Variants in TDRD7 observed in about 807,000 individuals in gnomAD.
TDRD7 encodes the protein tudor domain-containing protein 7.
TDRD7 carries 47 observed loss-of-function variants against 109.8 expected under a neutral mutation model. The ratio of observed to expected loss-of-function variants is 0.43; its 90% CI spans 0.34 to 0.55. The LOEUF is 0.55. Among genes scored for constraint, TDRD7 ranks in the 20% least tolerant of loss-of-function variants. The probability of loss-of-function intolerance (pLI) is 0.03; values close to 1 mark genes in which losing one functional copy is unlikely to be tolerated. For missense variants in TDRD7, 1,164 were observed against 1,319.2 expected, an observed-to-expected ratio of 0.88 and a Z score of 1.82; for synonymous variants, 424 against 457.3, an observed-to-expected ratio of 0.93 and a Z score of 0.93.
chr9:97,428,895 C>T (rs1373675431), intron 2 of TDRD7, among the ~76,000 whole-genome samples: 1 of 152,162 alleles, frequency 6.6e-6, no homozygotes. Flanking sequence ...ATTTTAACCA[C>T]ACAAAATTAA....
At chr9:97,473,394 A>G in intron 10 of TDRD7, 98 bp from the exon 11 acceptor site, 2 of 1,531,058 alleles carry the variant, frequency 1.3e-6, no homozygotes, top group Non-Finnish European at 9.0e-7. Context: ...TTTAAAATGC[A>G]AAGACTTGTT....
At chr9:97,465,072 C>T in intron 8 of TDRD7, 44 bp downstream of exon 8, 1 of 1,572,060 alleles carries the variant, frequency 6.4e-7, no homozygotes, top group South Asian at 1.2e-5. Flanking sequence ...ATACAAATAC[C>T]TTATTATTTT....
At position 97,470,725 on chromosome 9, in the gene TDRD7, C is replaced by T. The variant is rs141168955; in HGVS notation, c.1741+56C>T. On this transcript the variant is annotated intron_variant, in intron 9 of 16. Transcript: ENST00000355295. ...ATTTCAATAGGCTATTACCACTGTA[C>T]ATTTGGATAGTTGAATCCTAAAATG... The T allele has an allele frequency of 6.1e-5, 81 of 1,330,506 alleles. No homozygotes were observed. The African/African-American group carries it at 9.2e-4, about 15-fold the overall frequency. 82.4% of individuals were successfully genotyped at this position (1,330,506 alleles called of 1,614,324 possible).
intron 6 of TDRD7, among the ~76,000 whole-genome samples, chr9:97,442,244 A>G (rs865791351): frequency 1.3e-5 from 2 of 152,232 alleles, no homozygotes; most frequent in South Asian, 4.1e-4. Flanking sequence ...ATTAGCCTCA[A>G]ATTTTATTTG....
intron 6 of TDRD7, among the ~76,000 whole-genome samples, chr9:97,457,683 C>T (rs374989283): frequency 8.5e-5 from 13 of 152,188 alleles, no homozygotes; most frequent in East Asian, 7.7e-4. Context: ...CGGCCACACA[C>T]GTATGTTTAT....
chr9:97,439,541 C>A (rs932139200), intron 5 of TDRD7, among the ~76,000 whole-genome samples: 1 of 152,158 alleles, frequency 6.6e-6, no homozygotes, highest in Admixed American at 6.6e-5. Context: ...CTTCCTCACC[C>A]CAGCCCTACT....
chr9:97,474,410 A>C (rs949211990), intron 11 of TDRD7, among the ~76,000 whole-genome samples: 2 of 152,072 alleles, frequency 1.3e-5, no homozygotes, highest in African/African-American at 4.8e-5. Flanking sequence ...TCAGGTTTAT[A>C]TTTTAGCTAT....
At chr9:97,458,549 A>G (rs1312892746) in intron 6 of TDRD7, among the ~76,000 whole-genome samples, 1 of 152,174 alleles carries the variant, frequency 6.6e-6, no homozygotes, top group East Asian at 1.9e-4. Context: ...CGCCAATCAT[A>G]TAACATGCCA....
At chr9:97,420,966 C>A (rs907554985) in intron 1 of TDRD7, among the ~76,000 whole-genome samples, 1 of 152,072 alleles carries the variant, frequency 6.6e-6, no homozygotes, top group Non-Finnish European at 1.5e-5. Flanking sequence ...AACCCCATAT[C>A]TACCAAAAAT....
intron 6 of TDRD7, among the ~76,000 whole-genome samples, chr9:97,453,520 CAGAG>C (rs1347172577): frequency 3.3e-5 from 5 of 152,162 alleles, no homozygotes; most frequent in Middle Eastern, 3.4e-3. Flanking sequence ...GCATGACTCA[CAGAG>C]AGAATGAAGA....
intron 6 of TDRD7, among the ~76,000 whole-genome samples, chr9:97,448,409 CTT>C (rs978424624): frequency 2.6e-5 from 4 of 152,216 alleles, no homozygotes; most frequent in African/African-American, 9.6e-5. Flanking sequence ...TTCCCTATCT[CTT>C]TCTCAGTTGT....
chr9:97,440,831 T>C (rs759098824), intron 5 of TDRD7, among the ~76,000 whole-genome samples: 1 of 152,192 alleles, frequency 6.6e-6, no homozygotes, highest in Non-Finnish European at 1.5e-5. Context: ...TGAAATTTCG[T>C]AGAGATTTGG....
rs575061496 is a variant in TDRD7, at chr9:97,471,777, A to G, written c.1742-516A>G. ...CAAAATTCATCTAATACCTGTGTTA[A>G]ACACTACTTAATCTGTCTTTGATAA... On this transcript the variant is annotated intron_variant, in intron 9 of 16. Transcript: ENST00000355295. Among the ~76,000 whole-genome samples, 15 of 152,298 alleles carry G rather than the reference A, an allele frequency of 9.8e-5. 1 individual carries two copies. Among genetic ancestry groups the G allele is most frequent in the African/African-American group, 3.6e-4 (15 of 41,578 alleles).
intron 16 of TDRD7, among the ~76,000 whole-genome samples, chr9:97,494,957 C>T (rs1057352349): frequency 5.9e-5 from 9 of 152,088 alleles, no homozygotes; most frequent in South Asian, 4.1e-4. Flanking sequence ...GATACCTGCC[C>T]GCCTTGGCCT....
intron 1 of TDRD7, among the ~76,000 whole-genome samples, chr9:97,427,081 G>T (rs1488300555): frequency 2.0e-5 from 3 of 152,132 alleles, no homozygotes; most frequent in Non-Finnish European, 4.4e-5. Context: ...ATCACAGAAA[G>T]TTCTATTGAA....
chr9:97,453,110 G>T (rs1211275886), intron 6 of TDRD7, among the ~76,000 whole-genome samples: 1 of 152,170 alleles, frequency 6.6e-6, no homozygotes, highest in Non-Finnish European at 1.5e-5. Context: ...TGGGGGATGG[G>T]GCTTAGGAAG....
In TDRD7 at chr9:97,478,083, C is replaced by T. The variant is rs1024521285; in HGVS notation, c.2167-356C>T. Among the ~76,000 whole-genome samples, 9 of 152,064 alleles carry T rather than the reference C, an allele frequency of 5.9e-5. No homozygotes were observed. In the South Asian group the frequency reaches 1.5e-3, roughly 25 times the overall value. ...GACCAGCCTGGCCAACATGGTGAAA[C>T]CCCATCTCTACTAAAAAATACAAAA... On this transcript the variant is annotated intron_variant, in intron 12 of 16. Transcript: ENST00000355295.
At chr9:97,430,195 A>G (rs1828076574) in intron 2 of TDRD7, among the ~76,000 whole-genome samples, 1 of 152,078 alleles carries the variant, frequency 6.6e-6, no homozygotes, top group Admixed American at 6.5e-5. Flanking sequence ...TTTCGATATC[A>G]TATCATACCA....
chr9:97,442,751 G>A (rs1828331215), intron 6 of TDRD7, among the ~76,000 whole-genome samples: 1 of 152,038 alleles, frequency 6.6e-6, no homozygotes, highest in Non-Finnish European at 1.5e-5. Context: ...GCAGTGTAGG[G>A]CATTCCCTCT....
Sources: gnomAD v4.1 joint callset for allele counts (sites outside exome capture counted in the v4.1 genomes callset) on GRCh38, gnomAD v4.1.1 for gene constraint, MANE v1.5 for transcripts, NCBI Gene and HGNC (gene_info 2026-07-23, HGNC 2026-07-21) for gene names.